LMOD1: variants seen among roughly 807,000 people sequenced by gnomAD.
LMOD1 encodes leiomodin-1.
Under a neutral mutation model 36.5 loss-of-function variants are expected in LMOD1, and 8 were observed. The observed-to-expected ratio is 0.22, with a 90% CI of 0.13 to 0.40. The LOEUF (loss-of-function observed/expected upper bound fraction) is 0.40, where lower values mean the gene tolerates loss of function less well. Among genes scored for constraint, LMOD1 ranks in the 10% least tolerant of loss-of-function variants. The probability of loss-of-function intolerance (pLI) is 1.00; values close to 1 mark genes in which losing one functional copy is unlikely to be tolerated. For synonymous variants in LMOD1, 284 were observed against 288.7 expected (o/e 0.98, Z 0.17); for missense variants, 630 against 751.1 (o/e 0.84, Z 1.88).
At chr1:201,922,035 G>A (rs540966218) in intron 1 of LMOD1, among the ~76,000 whole-genome samples, 11 of 152,120 alleles carry the variant, frequency 7.2e-5, no homozygotes, top group African/African-American at 2.2e-4. Context: ...TGGCAAAACC[G>A]TGATGAGATA....
chr1:201,945,218 A>T (rs1168644203), intron 1 of LMOD1, among the ~76,000 whole-genome samples: 1 of 152,200 alleles, frequency 6.6e-6, no homozygotes, highest in African/African-American at 2.4e-5. Flanking sequence ...TGACAAAAAA[A>T]AAATTCCTCC....
At chr1:201,913,709 G>A (rs1005591884) in intron 1 of LMOD1, among the ~76,000 whole-genome samples, 16 of 152,202 alleles carry the variant, frequency 1.1e-4, no homozygotes, top group African/African-American at 3.9e-4. Flanking sequence ...GCTGAGGAAG[G>A]TATGTGGGCA....
At chr1:201,914,132 C>T (rs1483968835) in intron 1 of LMOD1, among the ~76,000 whole-genome samples, 1 of 152,162 alleles carries the variant, frequency 6.6e-6, no homozygotes, top group East Asian at 1.9e-4. Flanking sequence ...TGCCAGTATC[C>T]TCAACCCCAG....
At chr1:201,907,388 G>A (rs918295035) in intron 1 of LMOD1, among the ~76,000 whole-genome samples, 4 of 152,168 alleles carry the variant, frequency 2.6e-5, no homozygotes, top group African/African-American at 9.7e-5. Context: ...GTAAAAATCT[G>A]GGTCCTTCTG....
intron 1 of LMOD1, among the ~76,000 whole-genome samples, chr1:201,917,768 C>T (rs1681635840): frequency 6.6e-6 from 1 of 152,240 alleles, no homozygotes; most frequent in Non-Finnish European, 1.5e-5. Context: ...TACACAAATG[C>T]AAGCTATTTG....
rs535301036 is a variant in LMOD1, at chr1:201,903,693, G to C, written c.262-2942C>G. The stretch of plus-strand genomic sequence containing the variant: ...TGATTCTGTCCACTTTTGGAGCTTG[G>C]AGGTGAGAGCTGGAGGGACCAGCCT... On this transcript the variant is annotated intron_variant, in intron 1 of 2. Transcript: ENST00000367288. Among the ~76,000 whole-genome samples the C allele has an allele frequency of 6.6e-4, 100 of 152,242 alleles. 1 individual carries two copies. In the South Asian group the frequency reaches 0.02, roughly 31 times the overall value.
chr1:201,927,190 C>G (rs1392074557), intron 1 of LMOD1, among the ~76,000 whole-genome samples: 1 of 152,136 alleles, frequency 6.6e-6, no homozygotes, highest in East Asian at 1.9e-4. Flanking sequence ...GGAAGTAAAA[C>G]CAAAAGCCTC....
At chr1:201,901,620 ATGTGTGTGTG>A (rs1217093444) in intron 1 of LMOD1, among the ~76,000 whole-genome samples, 2 of 47,580 alleles carry the variant, frequency 4.2e-5, no homozygotes, top group Non-Finnish European at 7.9e-5. Flanking sequence ...ACACATATAT[ATGTGTGTGTG>A]TATATATATA....
chr1:201,938,255 G>C (rs1163593583), intron 1 of LMOD1, among the ~76,000 whole-genome samples: 1 of 151,276 alleles, frequency 6.6e-6, no homozygotes, highest in Non-Finnish European at 1.5e-5. Flanking sequence ...TCAGCCTCCC[G>C]AGTAGCTGGG....
Position 201,946,069 on chromosome 1 carries a change from T to C in LMOD1, c.261+11A>G, listed in dbSNP as rs758009125. 6.2e-7 allele frequency: 1 copy of C among 1,611,632 alleles called. No individual in the cohort carries two copies. Among genetic ancestry groups the C allele is most frequent in the Non-Finnish European group, 8.5e-7 (1 of 1,178,068 alleles). On this transcript the variant is annotated intron_variant, in intron 1 of 2. Coordinates refer to ENST00000367288, the MANE Select transcript of LMOD1 (RefSeq NM_012134.3). ...GTCTCCCTCCTCCCCTCCAGGGCTG[T>C]GCTCACTCACATCCATGGACATCTC...
chr1:201,937,292 T>G (rs1229987337), intron 1 of LMOD1, among the ~76,000 whole-genome samples: 1 of 149,292 alleles, frequency 6.7e-6, no homozygotes, highest in Admixed American at 6.7e-5. Context: ...ACAAATAATT[T>G]AAAAATTATC....
chr1:201,909,993 C>T (rs1681467798), intron 1 of LMOD1, among the ~76,000 whole-genome samples: 1 of 152,194 alleles, frequency 6.6e-6, no homozygotes, highest in South Asian at 2.1e-4. Flanking sequence ...CCCCCAGCCA[C>T]CCAACACTGA....
chr1:201,913,978 G>A (rs1306920297), intron 1 of LMOD1, among the ~76,000 whole-genome samples: 1 of 152,152 alleles, frequency 6.6e-6, no homozygotes, highest in Admixed American at 6.5e-5. Context: ...ACATATCTGT[G>A]TGGGTCCTTG....
Position 201,899,927 on chromosome 1 carries a change from C to G in LMOD1, c.1086G>C (p.Lys362Asn), listed in dbSNP as rs1304300077. 1.3e-5 allele frequency: 21 copies of G among 1,613,978 alleles called. No individual in the cohort carries two copies. Among genetic ancestry groups the G allele is most frequent in the Non-Finnish European group, 1.8e-5 (21 of 1,179,876 alleles). ...TEALEFNTVV[K>N]LFALANTRAD... Reference sequence around the variant, plus strand: ...CTCGCGTGTTGGCCAAGGCGAACAGCTTAACCACAGTGTTGAACTCCAGAG... The same window carrying G: ...CTCGCGTGTTGGCCAAGGCGAACAGGTTAACCACAGTGTTGAACTCCAGAG... The change falls in exon 2 of 3, where the codon AAG (lysine) becomes AAC (asparagine). Residue 362 changes from lysine (K) to asparagine (N), a missense_variant. By Grantham distance (94) the Lys-to-Asn change is moderately conservative. Transcript: ENST00000367288. This position sits in a 1 kb window ranked among gnomAD's most constrained non-coding sequence, Gnocchi z 6.3.
At position 201,900,689 on chromosome 1, in the gene LMOD1, G is replaced by T. The variant is rs182218511; in HGVS notation, c.324C>A (p.Ala108=). Residue 108 remains alanine, a synonymous_variant, in exon 2 of 3, where the codon GCC becomes GCA. Coordinates refer to ENST00000367288, the MANE Select transcript of LMOD1 (RefSeq NM_012134.3). ...AKNGEERGRD[A]SKKALGPRRD... ...GTCTGGGGCCCAGGGCTTTTTTGCT[G>T]GCATCTCTGCCCCTTTCCTCTCCAT... 1.6e-5 allele frequency: 26 copies of T among 1,613,714 alleles called. No individual in the cohort carries two copies. The East Asian group carries it at 2.9e-4, about 18-fold the overall frequency.
At chr1:201,906,096 C>T (rs1448587579) in intron 1 of LMOD1, among the ~76,000 whole-genome samples, 5 of 152,308 alleles carry the variant, frequency 3.3e-5, no homozygotes, top group Admixed American at 6.5e-5. Flanking sequence ...GGTCTCCAAA[C>T]TCTGCTTCTA....
chr1:201,899,547 T>G lies in LMOD1; in HGVS notation c.1466A>C (p.Lys489Thr). ...LQEQRQAQEAKGEKKDLLEVP... is the reference protein window; with the variant it reads ...LQEQRQAQEATGEKKDLLEVP... ...CTCCAGCAGATCCTTCTTCTCTCCCTTGGCTTCCTGTGCCTGCCTTTGCTC... is the reference window on the plus strand; with the variant it reads ...CTCCAGCAGATCCTTCTTCTCTCCCGTGGCTTCCTGTGCCTGCCTTTGCTC... Residue 489 changes from lysine to threonine, a missense_variant, in exon 2 of 3, where the codon AAG (lysine) becomes ACG (threonine). By Grantham distance (78) the Lys-to-Thr change is moderately conservative. This residue lies in a region of LMOD1 where 144 missense variants were observed against 169.8 expected (regional missense o/e 0.85). Transcript: ENST00000367288. This position sits in a 1 kb window ranked among gnomAD's most constrained non-coding sequence, Gnocchi z 6.3. 6.2e-7 allele frequency: 1 copy of G among 1,613,852 alleles called. No individual in the cohort carries two copies. Among genetic ancestry groups the G allele is most frequent in the South Asian group, 1.1e-5 (1 of 91,026 alleles).
chr1:201,938,908 A>G (rs1682066262), intron 1 of LMOD1, among the ~76,000 whole-genome samples: 1 of 152,192 alleles, frequency 6.6e-6, no homozygotes, highest in African/African-American at 2.4e-5. Flanking sequence ...AAGCCTGCAG[A>G]CAAGGAGAAT....
In LMOD1 at chr1:201,946,293, G is replaced by A; in HGVS notation, c.48C>T (p.Asp16=). 1 of 1,614,024 alleles carries A rather than the reference G, an allele frequency of 6.2e-7. No homozygotes were observed. Among genetic ancestry groups the A allele is most frequent in the Non-Finnish European group, 8.5e-7 (1 of 1,179,896 alleles). ...ACAGGGTCTCCAGCAGGCTGTCGAT[G>A]TCGGGGTCTTCACTCACCTGCCGGC... ...KYRRQVSEDP[D]IDSLLETLSP... is the part of the protein sequence containing the mutation. The change falls in exon 1 of 3, where the codon GAC becomes GAT. Residue 16 remains aspartate, a synonymous_variant. Transcript: ENST00000367288.
Sources: allele counts gnomAD v4.1 joint callset (sites outside exome capture counted in the v4.1 genomes callset), GRCh38; gene constraint gnomAD v4.1.1; regional missense constraint gnomAD v4.1.1; non-coding constraint Gnocchi (gnomAD v3.1); transcripts MANE v1.5; gene names NCBI Gene and HGNC (gene_info 2026-07-23, HGNC 2026-07-21).